Variants in WWOX observed in about 807,000 individuals in gnomAD.
WWOX encodes the protein WW domain containing oxidoreductase, also known as WW domain-containing oxidoreductase.
In WWOX, 69 loss-of-function variants were observed where a neutral mutation model predicts 46.2. The ratio of observed to expected loss-of-function variants is 1.49; its 90% confidence interval spans 1.23 to 1.82. The LOEUF is 1.82. WWOX is among the 40% of genes most tolerant of loss of function. The pLI is 0.00. For missense variants in WWOX, 919 were observed against 542.6 expected (o/e 1.69, Z -6.89); for synonymous variants, 359 against 202.6 (o/e 1.77, Z -6.56).
At chr16:78,813,530 G>A (rs1297119509) in intron 8 of WWOX, among the ~76,000 whole-genome samples, 3 of 152,122 alleles carry the variant, frequency 2.0e-5, no homozygotes, top group Non-Finnish European at 4.4e-5. Flanking sequence ...ATCTGATTCT[G>A]TGGTGGTCTG....
chr16:79,202,426 A>G (rs544842455), intron 8 of WWOX, among the ~76,000 whole-genome samples: 4 of 152,342 alleles, frequency 2.6e-5, no homozygotes, highest in African/African-American at 7.2e-5. Flanking sequence ...TTTGCTAGAA[A>G]GATCCAAAGA....
At chr16:78,774,964 G>A (rs1003166036) in intron 8 of WWOX, among the ~76,000 whole-genome samples, 2 of 152,150 alleles carry the variant, frequency 1.3e-5, no homozygotes, top group South Asian at 4.1e-4. Context: ...TATTTGTGGT[G>A]TATGCTCGAA....
chr16:78,724,748 A>G (rs574436943), intron 8 of WWOX, among the ~76,000 whole-genome samples: 1 of 152,120 alleles, frequency 6.6e-6, no homozygotes, highest in East Asian at 1.9e-4. Context: ...CATCTCCTGA[A>G]CCCTGAAGGA....
chr16:78,399,691 G>C (rs985995204), intron 6 of WWOX, among the ~76,000 whole-genome samples: 11 of 152,292 alleles, frequency 7.2e-5, no homozygotes, highest in African/African-American at 2.6e-4. Flanking sequence ...TTGAGTTTCT[G>C]TGGTTTACAA....
intron 8 of WWOX, among the ~76,000 whole-genome samples, chr16:78,888,183 G>A (rs1217706805): frequency 6.6e-6 from 1 of 152,312 alleles, no homozygotes; most frequent in Admixed American, 6.5e-5. Flanking sequence ...TAAAGATGCT[G>A]ATTCCTGCAT....
chr16:79,094,151 G>A (rs1289191916), intron 8 of WWOX, among the ~76,000 whole-genome samples: 1 of 151,668 alleles, frequency 6.6e-6, no homozygotes, highest in Non-Finnish European at 1.5e-5. Context: ...ACAAACAACT[G>A]TGCATGTAGG....
chr16:78,421,808 T>G (rs2082938932), intron 6 of WWOX, among the ~76,000 whole-genome samples: 2 of 152,192 alleles, frequency 1.3e-5, no homozygotes, highest in Admixed American at 1.3e-4. Flanking sequence ...ATAAAATACT[T>G]CTCCCTCATG....
chr16:78,575,438 A>T (rs144393759), intron 8 of WWOX, among the ~76,000 whole-genome samples: 2 of 151,872 alleles, frequency 1.3e-5, no homozygotes, highest in Non-Finnish European at 2.9e-5. Context: ...CCATTAGTCT[A>T]TAAAACTCCT....
At chr16:78,468,566 G>C (rs575986773) in intron 8 of WWOX, among the ~76,000 whole-genome samples, 1 of 152,234 alleles carries the variant, frequency 6.6e-6, no homozygotes, top group African/African-American at 2.4e-5. Flanking sequence ...CTTGTAGCTT[G>C]ATAGTTACAG....
At chr16:78,824,383 A>G (rs755277423) in intron 8 of WWOX, among the ~76,000 whole-genome samples, 2 of 152,034 alleles carry the variant, frequency 1.3e-5, no homozygotes, top group African/African-American at 2.4e-5. Context: ...TGACTCTACA[A>G]CTCTGTTTTC....
chr16:78,659,486 C>G (rs529396666), intron 8 of WWOX, among the ~76,000 whole-genome samples: 76 of 152,184 alleles, frequency 5.0e-4, no homozygotes, highest in African/African-American at 1.8e-3. Flanking sequence ...TTTAGCCCTC[C>G]AGGGGATTCT....
chr16:78,262,471 C>G (rs532432623), intron 5 of WWOX, among the ~76,000 whole-genome samples: 2 of 152,300 alleles, frequency 1.3e-5, no homozygotes, highest in East Asian at 3.9e-4. Context: ...AGCTATATGG[C>G]AAACCCTAGT....
chr16:79,095,522 G>A (rs72795696), intron 8 of WWOX, among the ~76,000 whole-genome samples: 4,697 of 152,286 alleles, frequency 0.031, 105 homozygotes, highest in African/African-American at 0.066. Flanking sequence ...GTCCTCTTCA[G>A]ATGAGGAGAT....
At chr16:78,775,145 C>G (rs2050157791) in intron 8 of WWOX, among the ~76,000 whole-genome samples, 1 of 152,178 alleles carries the variant, frequency 6.6e-6, no homozygotes, top group Non-Finnish European at 1.5e-5. Context: ...TGTCTGGTTC[C>G]TGAAATACCT....
At chr16:78,762,669 T>G (rs541994838) in intron 8 of WWOX, among the ~76,000 whole-genome samples, 7 of 152,110 alleles carry the variant, frequency 4.6e-5, no homozygotes, top group Non-Finnish European at 1.0e-4. Context: ...CCTAAGCTAA[T>G]TGGGAGGCAG....
intron 8 of WWOX, among the ~76,000 whole-genome samples, chr16:78,692,038 C>G (rs1000277685): frequency 2.0e-5 from 3 of 152,208 alleles, no homozygotes; most frequent in Non-Finnish European, 4.4e-5. Flanking sequence ...TGCCTTTTGC[C>G]TACCACCATG....
At chr16:79,115,857 G>A (rs1024252533) in intron 8 of WWOX, among the ~76,000 whole-genome samples, 1 of 152,180 alleles carries the variant, frequency 6.6e-6, no homozygotes, top group Non-Finnish European at 1.5e-5. Context: ...GGATGTGTTA[G>A]AATGAAGAGT....
intron 5 of WWOX, chr16:78,179,868 A>T (rs146574296): frequency 6.6e-6 from 1 of 152,282 alleles, no homozygotes; most frequent in Non-Finnish European, 1.5e-5. Context: ...CGCCTGGTCA[A>T]TTGGAGGGAT....
intron 8 of WWOX, among the ~76,000 whole-genome samples, chr16:78,913,924 G>A (rs1235976867): frequency 1.3e-5 from 2 of 152,008 alleles, no homozygotes; most frequent in Non-Finnish European, 2.9e-5. Context: ...GCCTCCCAAA[G>A]TGCTTGGATT....
Sources: allele counts gnomAD v4.1 joint callset (sites outside exome capture counted in the v4.1 genomes callset), GRCh38; gene constraint gnomAD v4.1.1; transcripts MANE v1.5; gene names NCBI Gene and HGNC (gene_info 2026-07-23, HGNC 2026-07-21).